The following RBM25 variants were observed in gnomAD, a reference collection of about 807,000 sequenced individuals.
RBM25 encodes RNA binding motif protein 25, also known as RNA-binding protein 25.
A neutral mutation model predicts 120.7 loss-of-function variants in RBM25; 19 were observed. That is an observed-to-expected ratio of 0.16 (90% CI 0.11 to 0.23). The LOEUF (loss-of-function observed/expected upper bound fraction) is 0.23, where lower values mean the gene tolerates loss of function less well. RBM25 is among the 10% of genes least tolerant of loss of function. The pLI is 1.00. For missense variants in RBM25, 605 were observed against 1,041.5 expected (o/e 0.58, Z 5.77); for synonymous variants, 390 against 326.7 (o/e 1.19, Z -2.09).
At chr14:73,111,397 A>AT in intron 15 of RBM25, 131 bp from the exon 16 acceptor site, 1 of 1,128,188 alleles carries the variant, frequency 8.9e-7, no homozygotes, top group Non-Finnish European at 1.2e-6. Context: ...GTAGTGAGTT[A>AT]TTTTTTACAG....
intron 7 of RBM25, among the ~76,000 whole-genome samples, chr14:73,097,662 G>A (rs1460928422): frequency 6.6e-6 from 1 of 152,148 alleles, no homozygotes; most frequent in Admixed American, 6.5e-5. Context: ...GCCTATGGTT[G>A]TTCTGTCTCT....
At position 73,117,210 on chromosome 14, in the gene RBM25, C is replaced by CTTTTTTTTTTTTT. The variant is rs71112704; in HGVS notation, c.2440-2481_2440-2469dup. ...TTTCTTTTAATTTCTTTCTTCTTTT[C>CTTTTTTTTTTTTT]TTTTTTTTTTTTTTTTTTTTTTTTT... is the stretch of plus-strand genomic sequence containing the variant. On this transcript the variant is annotated intron_variant, in intron 18 of 18. Coordinates refer to ENST00000261973, the MANE Select transcript of RBM25 (RefSeq NM_021239.3). Among the ~76,000 whole-genome samples the CTTTTTTTTTTTTT allele has an allele frequency of 1.5e-3, 74 of 49,428 alleles. 7 individuals are homozygous for CTTTTTTTTTTTTT. Among genetic ancestry groups the CTTTTTTTTTTTTT allele is most frequent in the African/African-American group, 2.5e-3 (33 of 13,236 alleles). 32.4% of individuals were successfully genotyped at this position (49,428 alleles called of 152,430 possible).
rs994090523 is a variant in RBM25, at chr14:73,120,880, G to A, written c.*1075G>A. The A allele has an allele frequency of 1.3e-5, 2 of 152,130 alleles. No individual in the cohort carries two copies. Among genetic ancestry groups the A allele is most frequent in the African/African-American group, 4.8e-5 (2 of 41,430 alleles). The allele number at this position is 152,130 out of a possible 1,614,324, so 9.4% of individuals were successfully genotyped here. A position where few individuals can be genotyped will look rare whatever the true frequency, so the allele number is the denominator to read the frequency against. On this transcript the variant is annotated 3_prime_UTR_variant, in exon 19 of 19. Coordinates refer to ENST00000261973, the MANE Select transcript of RBM25 (RefSeq NM_021239.3). ...AGTTTACATGTTATTTAAGGATAAA[G>A]GTAAATCATTCAAGGCAGTTACCAA...
At chr14:73,070,740 A>G (rs560240051) in intron 1 of RBM25, among the ~76,000 whole-genome samples, 1 of 152,252 alleles carries the variant, frequency 6.6e-6, no homozygotes, top group African/African-American at 2.4e-5. Context: ...TGAGATCAGG[A>G]GACCGAGACC....
intron 5 of RBM25, among the ~76,000 whole-genome samples, chr14:73,085,800 T>C (rs972459181): frequency 2.6e-5 from 4 of 152,200 alleles, no homozygotes; most frequent in Non-Finnish European, 2.9e-5. Flanking sequence ...CTTGCTTTCT[T>C]AAAACAATGA....
rs140937306 is a variant in RBM25 at position 73,116,072 on chromosome 14, G to GTT, written c.2439+1749_2439+1750dup. Among the ~76,000 whole-genome samples, 162 of 146,864 alleles carry GTT rather than the reference G, an allele frequency of 1.1e-3. 1 individual carries two copies. The highest frequency in any genetic ancestry group is 1.5e-3 in the African/African-American group (61 of 40,272). The stretch of plus-strand genomic sequence containing the variant: ...AGAGCTCATGAACGTCCATGGAGTT[G>GTT]TTTTTTTTTTTACCAAGAAAGAAAC... On this transcript the variant is annotated intron_variant, in intron 18 of 18. Coordinates refer to ENST00000261973, the MANE Select transcript of RBM25 (RefSeq NM_021239.3).
chr14:73,087,430 C>T (rs1895712675), intron 5 of RBM25, among the ~76,000 whole-genome samples: 1 of 146,494 alleles, frequency 6.8e-6, no homozygotes, highest in South Asian at 2.1e-4. Flanking sequence ...GAGTCTCGCT[C>T]TTTCGCCCAG....
chr14:73,078,227 C>A (rs531038834), intron 4 of RBM25, among the ~76,000 whole-genome samples: 1 of 152,048 alleles, frequency 6.6e-6, no homozygotes, highest in African/African-American at 2.4e-5. Flanking sequence ...CCCTTGAACC[C>A]GTGAGATGGA....
Position 73,108,475 on chromosome 14 carries a change from T to G in RBM25, c.1541+576T>G, listed in dbSNP as rs1385329280. Reference sequence around the variant, plus strand: ...CCCCATCTCCAAATTGATACATTATTGTGAAGTAACAGTTGTGACAACTGC... The same window carrying G: ...CCCCATCTCCAAATTGATACATTATGGTGAAGTAACAGTTGTGACAACTGC... On this transcript the variant is annotated intron_variant, in intron 13 of 18. Coordinates refer to ENST00000261973, the MANE Select transcript of RBM25 (RefSeq NM_021239.3). Among the ~76,000 whole-genome samples, 3 of 152,364 alleles carry G rather than the reference T, an allele frequency of 2.0e-5. No individual in the cohort carries two copies. In the South Asian group the frequency reaches 6.2e-4, roughly 32 times the overall value.
intron 4 of RBM25, among the ~76,000 whole-genome samples, chr14:73,082,215 A>G (rs934830381): frequency 9.2e-5 from 14 of 152,022 alleles, no homozygotes; most frequent in African/African-American, 3.4e-4. Context: ...TCAAGTTTCC[A>G]TTAGTTTTCT....
chr14:73,117,161 CATT>C (rs1345092820), intron 18 of RBM25, among the ~76,000 whole-genome samples: 2 of 143,736 alleles, frequency 1.4e-5, no homozygotes, highest in Non-Finnish European at 3.0e-5. Flanking sequence ...TTATTGCTAT[CATT>C]GAGAAAGTGA....
Position 73,123,200 on chromosome 14 carries a change from G to A in RBM25, c.*3395G>A, listed in dbSNP as rs575450708. 3.3e-5 allele frequency: 5 copies of A among 151,880 alleles called. No homozygotes were observed. The highest frequency in any genetic ancestry group is 3.4e-3 in the Middle Eastern group (1 of 294). The allele number at this position is 151,880 out of a possible 1,614,324, so 9.4% of individuals were successfully genotyped here. ...AGGTATTAATCTGCCATGAATACTA[G>A]ATATAGTAGAAAAACTGAGAAAACA... On this transcript the variant is annotated 3_prime_UTR_variant, in exon 19 of 19. Transcript: ENST00000261973.
At chr14:73,059,740 A>G (rs1403722988) in intron 1 of RBM25, among the ~76,000 whole-genome samples, 3 of 152,246 alleles carry the variant, frequency 2.0e-5, no homozygotes, top group Non-Finnish European at 4.4e-5. Flanking sequence ...TAAGTTGGTC[A>G]TAAGTTACTC....
chr14:73,090,999 A>G (rs1159626841), intron 6 of RBM25, among the ~76,000 whole-genome samples: 1 of 152,268 alleles, frequency 6.6e-6, no homozygotes, highest in Non-Finnish European at 1.5e-5. Context: ...GCCTTGTGAT[A>G]ACTGTATACT....
intron 2 of RBM25, among the ~76,000 whole-genome samples, chr14:73,072,828 T>G (rs780741498): frequency 4.6e-5 from 7 of 152,212 alleles, no homozygotes; most frequent in Non-Finnish European, 1.0e-4. Context: ...TTAAGAACAT[T>G]GCAGTTGGCT....
At chr14:73,117,145 A>T (rs1395552933) in intron 18 of RBM25, among the ~76,000 whole-genome samples, 4 of 150,302 alleles carry the variant, frequency 2.7e-5, no homozygotes. Flanking sequence ...AAAGTTCTTT[A>T]ATTAATTATT....
intron 3 of RBM25, 112 bp from the exon 4 acceptor site, chr14:73,077,257 C>G: frequency 1.1e-6 from 1 of 921,594 alleles, no homozygotes; most frequent in Non-Finnish European, 1.6e-6. Flanking sequence ...GCATGCAGAG[C>G]TTAAATAATG....
chr14:73,071,784 G>T (rs758326677), intron 2 of RBM25, 37 bp downstream of exon 2: 1 of 1,504,000 alleles, frequency 6.6e-7, no homozygotes, highest in South Asian at 1.1e-5. Context: ...CGTTAAACTT[G>T]TACTTTTGTC....
intron 1 of RBM25, among the ~76,000 whole-genome samples, chr14:73,070,945 CA>C (rs377148981): frequency 1.1e-3 from 134 of 123,896 alleles, no homozygotes; most frequent in Non-Finnish European, 7.9e-4. Context: ...GACTCCATCT[CA>C]AAAAAAAAAA....
Sources: gnomAD v4.1 joint callset for allele counts (sites outside exome capture counted in the v4.1 genomes callset) on GRCh38, gnomAD v4.1.1 for gene constraint, MANE v1.5 for transcripts, NCBI Gene and HGNC (gene_info 2026-07-23, HGNC 2026-07-21) for gene names.